Variants in LHFPL3 observed in about 807,000 individuals in gnomAD.
LHFPL3 encodes LHFPL tetraspan subfamily member 3.
A neutral mutation model predicts 19.3 loss-of-function variants in LHFPL3; 5 were observed. The ratio of observed to expected loss-of-function variants is 0.26; its 90% confidence interval spans 0.14 to 0.54. The LOEUF is 0.54. LHFPL3 is among the 20% of genes least tolerant of loss of function. The pLI, the probability that LHFPL3 is intolerant of heterozygous loss-of-function variation, is 0.94. For missense variants in LHFPL3, 249 were observed against 307.4 expected (o/e 0.81, Z 1.42); for synonymous variants, 133 against 126.2 (o/e 1.05, Z -0.36).
At chr7:104,615,682 C>T (rs6974342) in intron 1 of LHFPL3, among the ~76,000 whole-genome samples, 67,691 of 151,116 alleles carry the variant, frequency 0.45, 15,438 homozygotes, top group South Asian at 0.53. Context: ...TACCCACCCC[C>T]ACCCCCTGAC....
chr7:104,422,888 C>G (rs1791761013), intron 1 of LHFPL3, among the ~76,000 whole-genome samples: 1 of 152,158 alleles, frequency 6.6e-6, no homozygotes, highest in Non-Finnish European at 1.5e-5. Context: ...CCTTGAGAAA[C>G]TCAGAGGCTA....
At chr7:104,352,178 T>C (rs191772056) in intron 1 of LHFPL3, among the ~76,000 whole-genome samples, 1 of 133,546 alleles carries the variant, frequency 7.5e-6, no homozygotes, top group East Asian at 2.0e-4. Flanking sequence ...AAAAAAAAAA[T>C]CTCATACAAC....
At chr7:104,476,290 T>C (rs1793015015) in intron 1 of LHFPL3, among the ~76,000 whole-genome samples, 1 of 152,182 alleles carries the variant, frequency 6.6e-6, no homozygotes, top group African/African-American at 2.4e-5. Flanking sequence ...TATAAAAGAA[T>C]TGGGGAATTA....
chr7:104,552,247 G>A (rs897919692), intron 1 of LHFPL3, among the ~76,000 whole-genome samples: 11 of 152,304 alleles, frequency 7.2e-5, no homozygotes, highest in African/African-American at 2.6e-4. Context: ...AGATGTGCAG[G>A]AATAAACACT....
chr7:104,866,977 C>T (rs1221847672), intron 2 of LHFPL3, among the ~76,000 whole-genome samples: 1 of 152,170 alleles, frequency 6.6e-6, no homozygotes, highest in Admixed American at 6.5e-5. Context: ...TGAATGACTA[C>T]TGGGTACATA....
chr7:104,898,776 T>A (rs879884841), intron 2 of LHFPL3, among the ~76,000 whole-genome samples: 1 of 152,038 alleles, frequency 6.6e-6, no homozygotes, highest in South Asian at 2.1e-4. Flanking sequence ...GCTGTCATCT[T>A]GACACTACAC....
intron 1 of LHFPL3, among the ~76,000 whole-genome samples, chr7:104,599,389 AG>A (rs780937658): frequency 1.2e-4 from 19 of 152,296 alleles, no homozygotes; most frequent in Middle Eastern, 3.4e-3. Flanking sequence ...AGCAAAATTC[AG>A]GTTGTTGGAT....
At chr7:104,552,750 A>T (rs1018266685) in intron 1 of LHFPL3, among the ~76,000 whole-genome samples, 1 of 152,220 alleles carries the variant, frequency 6.6e-6, no homozygotes, top group African/African-American at 2.4e-5. Context: ...TTAAGTGTAG[A>T]GGATTTTTAA....
At chr7:104,777,391 C>G (rs1025487848) in intron 2 of LHFPL3, among the ~76,000 whole-genome samples, 2 of 152,200 alleles carry the variant, frequency 1.3e-5, no homozygotes, top group Non-Finnish European at 2.9e-5. Context: ...TTAATAAGCC[C>G]TGAAGTCATC....
chr7:104,430,377 T>TAC (rs1791938997), intron 1 of LHFPL3, among the ~76,000 whole-genome samples: 1 of 53,644 alleles, frequency 1.9e-5, no homozygotes, highest in Non-Finnish European at 3.0e-5. Context: ...TGGGTATATA[T>TAC]ATATACATAT....
intron 1 of LHFPL3, among the ~76,000 whole-genome samples, chr7:104,679,346 T>A (rs10279339): frequency 0.41 from 61,980 of 152,018 alleles, 12,762 homozygotes; most frequent in South Asian, 0.57. Flanking sequence ...GAAGCTGCAA[T>A]GTCTTTTATG....
intron 2 of LHFPL3, among the ~76,000 whole-genome samples, chr7:104,897,460 T>C (rs1418285025): frequency 6.6e-6 from 1 of 152,206 alleles, no homozygotes; most frequent in Non-Finnish European, 1.5e-5. Context: ...ACTATTACAT[T>C]TGTGGTAACA....
At chr7:104,515,357 T>C (rs927513461) in intron 1 of LHFPL3, among the ~76,000 whole-genome samples, 1 of 152,226 alleles carries the variant, frequency 6.6e-6, no homozygotes, top group Non-Finnish European at 1.5e-5. Flanking sequence ...TCATTTGTTG[T>C]CACTTTTTAG....
At chr7:104,884,526 A>G (rs1304036671) in intron 2 of LHFPL3, among the ~76,000 whole-genome samples, 1 of 152,076 alleles carries the variant, frequency 6.6e-6, no homozygotes, top group Non-Finnish European at 1.5e-5. Context: ...TACACGTGAT[A>G]AAGCTTGAAG....
intron 1 of LHFPL3, among the ~76,000 whole-genome samples, chr7:104,584,683 G>A (rs1008588411): frequency 6.6e-6 from 1 of 152,092 alleles, no homozygotes; most frequent in Non-Finnish European, 1.5e-5. Flanking sequence ...GTAGAATCTT[G>A]AATAGTTAGA....
intron 1 of LHFPL3, among the ~76,000 whole-genome samples, chr7:104,427,695 T>A (rs1791875844): frequency 6.6e-6 from 1 of 152,214 alleles, no homozygotes; most frequent in African/African-American, 2.4e-5. Flanking sequence ...AGGCATGTAC[T>A]CTCTCTCCAT....
At chr7:104,612,436 C>T (rs1791229560) in intron 1 of LHFPL3, among the ~76,000 whole-genome samples, 1 of 151,448 alleles carries the variant, frequency 6.6e-6, no homozygotes, top group Non-Finnish European at 1.5e-5. Flanking sequence ...AGAGGCAAAA[C>T]AAAACAAAAC....
At chr7:104,496,696 C>T (rs1283917958) in intron 1 of LHFPL3, among the ~76,000 whole-genome samples, 2 of 152,246 alleles carry the variant, frequency 1.3e-5, no homozygotes, top group East Asian at 1.9e-4. Flanking sequence ...AACAAAGCTG[C>T]GCTGGTTCCA....
At chr7:104,876,184 A>AAAACCCTAGAAGC (rs1791935474) in intron 2 of LHFPL3, among the ~76,000 whole-genome samples, 1 of 152,346 alleles carries the variant, frequency 6.6e-6, no homozygotes. Flanking sequence ...ACCCTAGAAG[A>AAAACCCTAGAAGC]AAACCTAGGC....
Sources: allele counts gnomAD v4.1 joint callset (sites outside exome capture counted in the v4.1 genomes callset), GRCh38; gene constraint gnomAD v4.1.1; transcripts MANE v1.5; gene names NCBI Gene and HGNC (gene_info 2026-07-23, HGNC 2026-07-21).